Variants in ARMC8 observed in about 807,000 individuals in gnomAD.
ARMC8 encodes armadillo repeat-containing protein 8.
ARMC8 carries 20 observed loss-of-function variants against 99.3 expected under a neutral mutation model. The observed-to-expected ratio is 0.20, with a 90% CI of 0.14 to 0.29. The LOEUF is 0.29. ARMC8 is among the 10% of genes least tolerant of loss of function. The pLI, the probability that ARMC8 is intolerant of heterozygous loss-of-function variation, is 1.00. For synonymous variants in ARMC8, 263 were observed against 278.3 expected (o/e 0.95, Z 0.55); for missense variants, 569 against 809.5 (o/e 0.70, Z 3.60).
chr3:138,263,945 A>G (rs1178638389), intron 13 of ARMC8, 124 bp downstream of exon 13: 16 of 1,037,324 alleles, frequency 1.5e-5, no homozygotes, highest in Non-Finnish European at 2.0e-5. Context: ...AGGTGAATTC[A>G]TAGAGTATAT....
chr3:138,187,532 G>A lies in ARMC8; in HGVS notation c.-23G>A, dbSNP rs751370513. 6.5e-7 allele frequency: 1 copy of A among 1,535,520 alleles called. No homozygotes were observed. Among genetic ancestry groups the A allele is most frequent in the East Asian group, 2.4e-5 (1 of 40,860 alleles). On this transcript the variant is annotated 5_prime_UTR_variant, in exon 1 of 22. Coordinates refer to ENST00000469044, the MANE Select transcript of ARMC8 (RefSeq NM_001363941.2). ...GCCGGCCCCCGCGCCGGCGCCTGCA[G>A]CAGCCGGGTGGGAAGGCTCAAGATG...
Position 138,297,631 on chromosome 3 carries a change from C to G in ARMC8, c.*1739C>G, listed in dbSNP as rs886410997. ...GCTCTCAACATGACCACCCAAGATT[C>G]AAACACAGAGACTTCCAAGTTACTA... is the stretch of plus-strand genomic sequence containing the variant. On this transcript the variant is annotated 3_prime_UTR_variant, in exon 22 of 22. Coordinates refer to ENST00000469044, the MANE Select transcript of ARMC8 (RefSeq NM_001363941.2). 2 of 152,190 alleles carry G rather than the reference C, an allele frequency of 1.3e-5. No homozygotes were observed. The highest frequency in any genetic ancestry group is 4.8e-5 in the African/African-American group (2 of 41,440). The allele number at this position is 152,190 out of a possible 1,614,324, so 9.4% of individuals were successfully genotyped here.
intron 14 of ARMC8, among the ~76,000 whole-genome samples, 200 bp downstream of exon 14, chr3:138,264,412 C>CTTTTTT (rs11298899): frequency 6.2e-5 from 3 of 48,638 alleles, no homozygotes; most frequent in African/African-American, 1.5e-4. Flanking sequence ...GATTTTCTTT[C>CTTTTTT]TTTTTTTTTT....
intron 1 of ARMC8, among the ~76,000 whole-genome samples, chr3:138,205,754 G>A (rs905125697): frequency 1.3e-5 from 2 of 152,150 alleles, no homozygotes; most frequent in African/African-American, 2.4e-5. Context: ...CCTGGGCAAC[G>A]AGGTTGAGAC....
At chr3:138,236,891 AATTTT>A (rs765396804) in intron 7 of ARMC8, among the ~76,000 whole-genome samples, 2 of 152,164 alleles carry the variant, frequency 1.3e-5, no homozygotes, top group Non-Finnish European at 2.9e-5. Context: ...GCGCTTCTTA[AATTTT>A]ATTGTAATAT....
intron 1 of ARMC8, 162 bp downstream of exon 1, chr3:138,187,761 C>A: frequency 6.7e-6 from 5 of 748,356 alleles, no homozygotes; most frequent in Non-Finnish European, 1.0e-5. Flanking sequence ...GCGGGATAGA[C>A]GGGCAGAGGG....
chr3:138,214,400 A>C (rs1407340269), intron 2 of ARMC8, among the ~76,000 whole-genome samples: 1 of 150,454 alleles, frequency 6.6e-6, no homozygotes, highest in Non-Finnish European at 1.5e-5. Flanking sequence ...CTTCTGAAGC[A>C]TTTTAATGTA....
At chr3:138,232,143 A>G (rs1231277959) in intron 6 of ARMC8, among the ~76,000 whole-genome samples, 1 of 150,004 alleles carries the variant, frequency 6.7e-6, no homozygotes, top group East Asian at 2.0e-4. Context: ...GCTAATTTTC[A>G]TATTTTTTTT....
chr3:138,277,877 A>G (rs2049458319), intron 18 of ARMC8, among the ~76,000 whole-genome samples: 1 of 152,212 alleles, frequency 6.6e-6, no homozygotes, highest in South Asian at 2.1e-4. Flanking sequence ...ATCCCTCAAC[A>G]AACTATGGTG....
intron 1 of ARMC8, among the ~76,000 whole-genome samples, chr3:138,188,691 TTTCTC>T (rs879708762): frequency 3.3e-5 from 5 of 152,210 alleles, no homozygotes; most frequent in South Asian, 2.1e-4. Flanking sequence ...ACCGGTTTCT[TTTCTC>T]TTCTCTGACT....
rs1405460647 is a variant in ARMC8 at position 138,266,279 on chromosome 3, C to CAA, written c.1300-876_1300-875insAA. ...CCCCAAATCTCAGAATGGTTATTTA[C>CAA]CTACACTCTACTCTCCAGCTACAGT... On this transcript the variant is annotated intron_variant, in intron 14 of 21. Transcript: ENST00000469044. Among the ~76,000 whole-genome samples the CAA allele has an allele frequency of 1.7e-3, 260 of 152,216 alleles. 1 individual carries two copies. The highest frequency in any genetic ancestry group is 5.8e-3 in the African/African-American group (243 of 41,546).
chr3:138,282,984 AC>A (rs1400650772), intron 18 of ARMC8, among the ~76,000 whole-genome samples: 3 of 152,188 alleles, frequency 2.0e-5, no homozygotes, highest in African/African-American at 7.2e-5. Context: ...GAAATCTGAC[AC>A]CTTCTCCAGA....
At chr3:138,195,965 A>G (rs1396163069) in intron 1 of ARMC8, among the ~76,000 whole-genome samples, 1 of 152,186 alleles carries the variant, frequency 6.6e-6, no homozygotes, top group Non-Finnish European at 1.5e-5. Flanking sequence ...AGGAGGAATG[A>G]TGAAACAGTG....
At chr3:138,262,281 C>G in intron 12 of ARMC8, 2 of 422,880 alleles carry the variant, frequency 4.7e-6, no homozygotes. Context: ...AGTGATTGTG[C>G]ATATCAGTAA....
chr3:138,193,303 C>T lies in ARMC8; in HGVS notation c.45+5704C>T, dbSNP rs111669463. 2.1e-3 allele frequency among the ~76,000 whole-genome samples: 311 copies of T among 148,798 alleles called. 1 individual carries two copies. Among genetic ancestry groups the T allele is most frequent in the South Asian group, 0.016 (72 of 4,640 alleles). ...TTTGAGAGAGTTTTGCTCTGTCATC[C>T]GGGCTGGAGTGCAGTGGTGTGATCT... is the stretch of plus-strand genomic sequence containing the variant. On this transcript the variant is annotated intron_variant, in intron 1 of 21. Coordinates refer to ENST00000469044, the MANE Select transcript of ARMC8 (RefSeq NM_001363941.2).
At chr3:138,255,501 C>G (rs1188818076) in intron 12 of ARMC8, among the ~76,000 whole-genome samples, 1 of 151,944 alleles carries the variant, frequency 6.6e-6, no homozygotes, top group Non-Finnish European at 1.5e-5. Context: ...CGCGCAGGGC[C>G]AACATTTTTC....
intron 16 of ARMC8, among the ~76,000 whole-genome samples, chr3:138,271,818 C>T (rs140283620): frequency 1.2e-4 from 15 of 127,272 alleles, no homozygotes; most frequent in Non-Finnish European, 2.3e-4. Flanking sequence ...TTTTTTGATA[C>T]AGAGTCTCGC....
At chr3:138,287,513 T>C (rs1389185138) in intron 19 of ARMC8, 1 of 381,386 alleles carries the variant, frequency 2.6e-6, no homozygotes, top group Non-Finnish European at 5.4e-6. Context: ...GAATGATGAA[T>C]AAACTTATGC....
intron 3 of ARMC8, 113 bp from the exon 4 acceptor site, chr3:138,223,276 T>G: frequency 1.1e-6 from 1 of 908,762 alleles, no homozygotes. Context: ...ATTGGATTCA[T>G]ATAAACTCAG....
Sources: gnomAD v4.1 joint callset for allele counts (sites outside exome capture counted in the v4.1 genomes callset) on GRCh38, gnomAD v4.1.1 for gene constraint, MANE v1.5 for transcripts, NCBI Gene and HGNC (gene_info 2026-07-23, HGNC 2026-07-21) for gene names.